Variants in PLA2G4C observed in about 807,000 individuals in gnomAD.
PLA2G4C encodes phospholipase A2 group IVC.
A neutral mutation model predicts 73.8 loss-of-function variants in PLA2G4C; 64 were observed. The observed-to-expected ratio is 0.87, with a 90% CI of 0.71 to 1.07. The LOEUF is 1.07. Among genes scored for constraint, PLA2G4C ranks in the 50% least tolerant of loss-of-function variants. The probability of loss-of-function intolerance (pLI) is 0.00; values close to 1 mark genes in which losing one functional copy is unlikely to be tolerated. For synonymous variants in PLA2G4C, 254 were observed against 252.1 expected (o/e 1.01, Z -0.07); for missense variants, 622 against 665.4 (o/e 0.93, Z 0.72).
chr19:48,108,130 G>A (rs755652675), intron 1 of PLA2G4C, among the ~76,000 whole-genome samples: 2 of 151,954 alleles, frequency 1.3e-5, no homozygotes, highest in Non-Finnish European at 2.9e-5. Flanking sequence ...TTATTTCTAC[G>A]ATCTCTCGTC....
At chr19:48,095,680 C>G in intron 6 of PLA2G4C, 76 bp from the exon 7 acceptor site, 1 of 1,433,998 alleles carries the variant, frequency 7.0e-7, no homozygotes, top group South Asian at 1.2e-5. Context: ...AAAAAGAAAT[C>G]TATTAATGAG....
In PLA2G4C at chr19:48,110,543, C is replaced by T. The variant is rs996192970; in HGVS notation, c.-89G>A. Reference sequence around the variant, plus strand: ...GCGGTGGAGCTTGTGCTCCGGAATCCGGTGCGGAGGCTTGGGCTCCCTGCG... The same window carrying T: ...GCGGTGGAGCTTGTGCTCCGGAATCTGGTGCGGAGGCTTGGGCTCCCTGCG... On this transcript the variant is annotated 5_prime_UTR_variant, in exon 1 of 17. Coordinates refer to ENST00000599921, the MANE Select transcript of PLA2G4C (RefSeq NM_003706.3). 1.0e-5 allele frequency: 16 copies of T among 1,530,926 alleles called. No homozygotes were observed. The highest frequency in any genetic ancestry group is 2.5e-5 in the East Asian group (1 of 39,786). The allele number at this position is 1,530,926 out of a possible 1,614,324, so 94.8% of individuals were successfully genotyped here. A position where few individuals can be genotyped will look rare whatever the true frequency, so the allele number is the denominator to read the frequency against.
In PLA2G4C at chr19:48,104,678, T is replaced by G. The variant is rs1174688580; in HGVS notation, c.167A>C (p.His56Pro). ...ACTCAGGACCCCAAGGCAGGCAATG[T>G]GAGCCCGCAGTCCTCCGCCTGAGCC... ...VLGSGGGLRA[H>P]IACLGVLSEM... Residue 56 changes from histidine to proline, a missense_variant, in exon 4 of 17, where the codon CAC (histidine) becomes CCC (proline). Coordinates refer to ENST00000599921, the MANE Select transcript of PLA2G4C (RefSeq NM_003706.3). 6.2e-7 allele frequency: 1 copy of G among 1,613,980 alleles called. No individual in the cohort carries two copies. The highest frequency in any genetic ancestry group is 1.3e-5 in the African/African-American group (1 of 75,004).
At chr19:48,099,095 TA>T (rs1270182738) in intron 5 of PLA2G4C, among the ~76,000 whole-genome samples, 1 of 78,878 alleles carries the variant, frequency 1.3e-5, no homozygotes, top group Non-Finnish European at 2.6e-5. Context: ...TCCCTGTCTC[TA>T]CAAAAAAAAA....
chr19:48,100,776 G>GCAGACCCCCA, intron 4 of PLA2G4C, among the ~76,000 whole-genome samples: 1 of 150,268 alleles, frequency 6.7e-6, no homozygotes, highest in Non-Finnish European at 1.5e-5. Context: ...GGGTGTGGTT[G>GCAGACCCCCA]CAGACCCAGC....
intron 15 of PLA2G4C, among the ~76,000 whole-genome samples, chr19:48,054,323 GAGA>G (rs1967844526): frequency 6.6e-6 from 1 of 152,168 alleles, no homozygotes; most frequent in East Asian, 1.9e-4. Context: ...TTATTTATTT[GAGA>G]AGGAGTCTTG....
intron 14 of PLA2G4C, among the ~76,000 whole-genome samples, chr19:48,056,521 C>T (rs187770208): frequency 1.3e-5 from 2 of 151,454 alleles, no homozygotes; most frequent in Admixed American, 6.6e-5. Context: ...GCACTCCAAC[C>T]TGGGTGACAA....
chr19:48,099,676 T>C lies in PLA2G4C; in HGVS notation c.442A>G (p.Arg148Gly), dbSNP rs2307282. 12,026 of 1,612,592 alleles carry C rather than the reference T, an allele frequency of 7.5e-3. 657 individuals are homozygous for C. The African/African-American group carries it at 0.13, about 17-fold the overall frequency. The change falls in exon 5 of 17, where the codon AGA (arginine) becomes GGA (glycine). Residue 148 changes from arginine to glycine, a missense_variant. Transcript: ENST00000599921. ...CCCAGCTGGGAATGACTTACTTCTC[T>C]GGTTTGCTTAGAGATAACCATGTAG... ...WAYMVISKQT[R>G]ELPESHLSNM...
At chr19:48,054,832 T>G (rs377294596) in intron 15 of PLA2G4C, 46 bp downstream of exon 15, 14 of 1,541,292 alleles carry the variant, frequency 9.1e-6, no homozygotes, top group Non-Finnish European at 1.3e-5. Context: ...AGTGTGAGCA[T>G]GGACTAATAC....
intron 14 of PLA2G4C, among the ~76,000 whole-genome samples, chr19:48,059,492 T>C (rs1429631436): frequency 6.6e-6 from 1 of 152,052 alleles, no homozygotes; most frequent in East Asian, 1.9e-4. Flanking sequence ...TTTGAGTCAG[T>C]GGACTAGGAG....
chr19:48,094,282 C>G (rs1224286286), intron 7 of PLA2G4C, among the ~76,000 whole-genome samples: 6 of 152,212 alleles, frequency 3.9e-5, no homozygotes, highest in Admixed American at 3.9e-4. Context: ...TTACTATGAT[C>G]TGACATTATA....
chr19:48,105,260 G>T, intron 3 of PLA2G4C, 73 bp downstream of exon 3: 1 of 943,852 alleles, frequency 1.1e-6, no homozygotes, highest in Non-Finnish European at 1.7e-6. Flanking sequence ...CCCTGGCTGA[G>T]TTGGGCCCTG....
chr19:48,064,048 T>C (rs1015685464), intron 13 of PLA2G4C: 2 of 152,148 alleles, frequency 1.3e-5, no homozygotes, highest in African/African-American at 4.8e-5. Context: ...CCTCCTTTTG[T>C]TATATATAGG....
Position 48,105,920 on chromosome 19 carries a change from TC to T in PLA2G4C, c.9-477del, listed in dbSNP as rs1568457404. ...CTCCCTCCCTCCCTCCCTCCCTCCC[TC>T]CCTCCCTCCCTCCCTCCCTCCCTCC... On this transcript the variant is annotated intron_variant, in intron 2 of 16. Coordinates refer to ENST00000599921, the MANE Select transcript of PLA2G4C (RefSeq NM_003706.3). Among the ~76,000 whole-genome samples, 3 of 16,534 alleles carry T rather than the reference TC, an allele frequency of 1.8e-4. 1 individual carries two copies. The highest frequency in any genetic ancestry group is 4.8e-4 in the African/African-American group (1 of 2,092). The allele number at this position is 16,534 out of a possible 152,430, so 10.8% of individuals were successfully genotyped here.
intron 14 of PLA2G4C, among the ~76,000 whole-genome samples, chr19:48,060,521 A>G (rs1968130536): frequency 1.3e-5 from 2 of 152,284 alleles, no homozygotes; most frequent in South Asian, 4.1e-4. Flanking sequence ...AACACCAGCT[A>G]TGGACCAGGC....
intron 9 of PLA2G4C, among the ~76,000 whole-genome samples, chr19:48,087,314 G>A (rs1376440901): frequency 1.3e-5 from 2 of 152,330 alleles, no homozygotes; most frequent in African/African-American, 4.8e-5. Context: ...ATAAGGGGAT[G>A]TCTTTCCCCT....
Position 48,048,278 on chromosome 19 carries a change from G to A in PLA2G4C, c.*65C>T. 4 of 1,223,748 alleles carry A rather than the reference G, an allele frequency of 3.3e-6. No individual in the cohort carries two copies. The highest frequency in any genetic ancestry group is 1.5e-5 in the African/African-American group (1 of 65,748). 75.8% of individuals were successfully genotyped at this position (1,223,748 alleles called of 1,614,324 possible). A position where few individuals can be genotyped will look rare whatever the true frequency, so the allele number is the denominator to read the frequency against. On this transcript the variant is annotated 3_prime_UTR_variant, in exon 17 of 17. Transcript: ENST00000599921. ...GCTGAAGGGAGTGAAGAACAGGAAG[G>A]CCAGGTGGACATCAGGGCCCTAGTA...
chr19:48,106,490 TC>T, intron 2 of PLA2G4C, 31 bp downstream of exon 2: 1 of 1,546,688 alleles, frequency 6.5e-7, no homozygotes, highest in Non-Finnish European at 8.9e-7. Context: ...ATGCTCTGCT[TC>T]CCCATAGTGG....
chr19:48,087,936 CAAA>C (rs75679224), intron 9 of PLA2G4C, among the ~76,000 whole-genome samples: 10 of 123,780 alleles, frequency 8.1e-5, no homozygotes, highest in Admixed American at 1.8e-4. Context: ...AACTCTGTCT[CAAA>C]AAAAAAAAAA....
Sources: gnomAD v4.1 joint callset for allele counts (sites outside exome capture counted in the v4.1 genomes callset) on GRCh38, gnomAD v4.1.1 for gene constraint, MANE v1.5 for transcripts, NCBI Gene and HGNC (gene_info 2026-07-23, HGNC 2026-07-21) for gene names.